Variants in SPOCK3 observed in about 807,000 individuals in gnomAD.
SPOCK3 encodes the protein testican-3.
Under a neutral mutation model 56.6 loss-of-function variants are expected in SPOCK3, and 30 were observed. The ratio of observed to expected loss-of-function variants is 0.53; its 90% confidence interval spans 0.40 to 0.72. SPOCK3 has a LOEUF of 0.72. Ranked by LOEUF, SPOCK3 falls within the 30% of genes least tolerant of loss-of-function variation. The pLI, the probability that SPOCK3 is intolerant of heterozygous loss-of-function variation, is 0.00. For synonymous variants in SPOCK3, 196 were observed against 183.3 expected (o/e 1.07, Z -0.56); for missense variants, 527 against 530.0 (o/e 0.99, Z 0.06).
At chr4:166,889,029 TA>T in intron 6 of SPOCK3, 100 bp downstream of exon 6, 1 of 747,372 alleles carries the variant, frequency 1.3e-6, no homozygotes, top group Non-Finnish European at 2.3e-6. Flanking sequence ...GGTATTTGTA[TA>T]AAAACAAACT....
chr4:167,050,899 G>C (rs1754139059), intron 3 of SPOCK3, among the ~76,000 whole-genome samples: 1 of 152,084 alleles, frequency 6.6e-6, no homozygotes, highest in Non-Finnish European at 1.5e-5. Flanking sequence ...GAGGGGAAGA[G>C]AGAAAGGAGA....
At chr4:166,919,490 C>T (rs1738253696) in intron 4 of SPOCK3, among the ~76,000 whole-genome samples, 1 of 152,140 alleles carries the variant, frequency 6.6e-6, no homozygotes, top group African/African-American at 2.4e-5. Flanking sequence ...GACATGACTG[C>T]ATATTTCCAA....
chr4:167,162,648 G>T (rs1765416085), intron 2 of SPOCK3, among the ~76,000 whole-genome samples: 1 of 152,072 alleles, frequency 6.6e-6, no homozygotes, highest in Admixed American at 6.6e-5. Context: ...GAAGAGGAAA[G>T]AGAGTTACTG....
At position 166,755,912 on chromosome 4, in the gene SPOCK3, G is replaced by A. The variant is rs565469198; in HGVS notation, c.710-1183C>T. On this transcript the variant is annotated intron_variant, in intron 7 of 10. Transcript: ENST00000357545. ...AGAGATTTGGGACAGGAACAGCTCC[G>A]GTCTACAGCTCCCAGCGTGAGCGAC... 7.3e-3 allele frequency among the ~76,000 whole-genome samples: 53 copies of A among 7,278 alleles called. 22 individuals carry two copies. The highest frequency in any genetic ancestry group is 0.026 in the African/African-American group (52 of 2,014). The allele number at this position is 7,278 out of a possible 152,430, so 4.8% of individuals were successfully genotyped here.
At chr4:167,224,813 C>T (rs968752054) in intron 2 of SPOCK3, among the ~76,000 whole-genome samples, 2 of 151,894 alleles carry the variant, frequency 1.3e-5, no homozygotes, top group East Asian at 3.9e-4. Flanking sequence ...ATTACAGGCA[C>T]GTGCCACCAC....
chr4:167,015,175 A>G (rs2150151948), intron 3 of SPOCK3, among the ~76,000 whole-genome samples: 1 of 152,210 alleles, frequency 6.6e-6, no homozygotes, highest in Admixed American at 6.5e-5. Flanking sequence ...CTAATTTTAA[A>G]AAACCAAGTT....
At chr4:167,025,782 C>A (rs1751644642) in intron 3 of SPOCK3, among the ~76,000 whole-genome samples, 1 of 152,060 alleles carries the variant, frequency 6.6e-6, no homozygotes, top group Admixed American at 6.6e-5. Flanking sequence ...TCATGCCTGG[C>A]TTAACAATGG....
intron 2 of SPOCK3, among the ~76,000 whole-genome samples, chr4:167,128,591 TGAA>T (rs1238959064): frequency 3.9e-5 from 6 of 152,168 alleles, no homozygotes; most frequent in Admixed American, 3.3e-4. Context: ...GGGCCACATC[TGAA>T]GAAGAAGAAT....
At chr4:166,942,801 T>C (rs1034548564) in intron 4 of SPOCK3, among the ~76,000 whole-genome samples, 1 of 152,212 alleles carries the variant, frequency 6.6e-6, no homozygotes, top group African/African-American at 2.4e-5. Context: ...AGCTGTACTG[T>C]AAATAGTGTC....
intron 3 of SPOCK3, among the ~76,000 whole-genome samples, chr4:167,010,908 C>T (rs912749523): frequency 6.6e-6 from 1 of 151,970 alleles, no homozygotes; most frequent in African/African-American, 2.4e-5. Flanking sequence ...TCTAAAATCC[C>T]AGCACTCTTC....
In SPOCK3 at chr4:166,912,667, A is replaced by G. The variant is rs1441080268; in HGVS notation, c.427T>C (p.Tyr143His). Residue 143 changes from tyrosine (Y) to histidine (H), a missense_variant, in exon 5 of 11, where the codon TAT (tyrosine) becomes CAT (histidine). Transcript: ENST00000357545. Reference protein sequence around the residue: ...LSTCKQCPVVYPSPVCGSDGH... With the variant: ...LSTCKQCPVVHPSPVCGSDGH... ...TCTGAACCACAAACAGGGCTGGGATAGACCACTGGGCACTGCTTGCAGGTG... is the reference window on the plus strand; with the variant it reads ...TCTGAACCACAAACAGGGCTGGGATGGACCACTGGGCACTGCTTGCAGGTG... 1 of 1,613,650 alleles carries G rather than the reference A, an allele frequency of 6.2e-7. No homozygotes were observed. Among genetic ancestry groups the G allele is most frequent in the Non-Finnish European group, 8.5e-7 (1 of 1,179,812 alleles).
chr4:166,982,539 G>A (rs551298789), intron 4 of SPOCK3, among the ~76,000 whole-genome samples: 5 of 152,138 alleles, frequency 3.3e-5, no homozygotes, highest in East Asian at 3.9e-4. Flanking sequence ...GCAACAGAGC[G>A]AGACTCCGTC....
intron 4 of SPOCK3, among the ~76,000 whole-genome samples, chr4:166,953,548 C>T (rs4467598): frequency 6.6e-6 from 1 of 151,648 alleles, no homozygotes; most frequent in Non-Finnish European, 1.5e-5. Context: ...GGATCTAGAA[C>T]TAGAAATACC....
intron 2 of SPOCK3, among the ~76,000 whole-genome samples, chr4:167,147,613 T>C (rs562273319): frequency 1.1e-4 from 16 of 152,266 alleles, no homozygotes; most frequent in Admixed American, 3.3e-4. Flanking sequence ...ATATGCACCA[T>C]GGAATACTAT....
In SPOCK3 at chr4:166,754,638, C is replaced by A. The variant is rs1365807802; in HGVS notation, c.801G>T (p.Gln267His). 1 of 1,613,620 alleles carries A rather than the reference C, an allele frequency of 6.2e-7. No homozygotes were observed. The highest frequency in any genetic ancestry group is 1.7e-5 in the Admixed American group (1 of 59,926). The change falls in exon 8 of 11, where the codon CAG becomes CAT. Residue 267 changes from glutamine (Q) to histidine (H), a missense_variant. Gln to His is a conservative substitution (Grantham distance 24). Transcript: ENST00000357545. ...LDTNYDLLLD[Q>H]SELRSIYLDK... ...CAAGGTAAATGCTTCTGAGCTCTGA[C>A]TGGTCCAATAGCAGGTCATAGTTTG...
intron 2 of SPOCK3, among the ~76,000 whole-genome samples, chr4:167,191,345 G>T (rs1406032436): frequency 6.9e-6 from 1 of 145,812 alleles, no homozygotes; most frequent in Non-Finnish European, 1.5e-5. Context: ...TATAGTGGGA[G>T]TGGGCTCAAG....
chr4:166,812,645 G>T (rs1330823372), intron 6 of SPOCK3, among the ~76,000 whole-genome samples: 1 of 151,848 alleles, frequency 6.6e-6, no homozygotes, highest in Non-Finnish European at 1.5e-5. Flanking sequence ...ATTTATATTT[G>T]TATTAGTTCA....
intron 4 of SPOCK3, among the ~76,000 whole-genome samples, chr4:166,965,003 T>C (rs976415208): frequency 5.3e-5 from 8 of 152,086 alleles, no homozygotes; most frequent in African/African-American, 1.7e-4. Context: ...GGCTAATCTC[T>C]AGGCATCTGG....
At chr4:166,881,133 C>A (rs936610320) in intron 6 of SPOCK3, among the ~76,000 whole-genome samples, 1 of 151,916 alleles carries the variant, frequency 6.6e-6, no homozygotes, top group Non-Finnish European at 1.5e-5. Context: ...AAATGTAATA[C>A]AATTTTACTT....
Sources: allele counts gnomAD v4.1 joint callset (sites outside exome capture counted in the v4.1 genomes callset), GRCh38; gene constraint gnomAD v4.1.1; transcripts MANE v1.5; gene names NCBI Gene and HGNC (gene_info 2026-07-23, HGNC 2026-07-21).